The following FANCB variants were observed in gnomAD, a reference collection of about 807,000 sequenced individuals.
The protein encoded by FANCB is Fanconi anemia group B protein.
FANCB carries 5 observed loss-of-function variants against 38.9 expected under a neutral mutation model. That is an observed-to-expected ratio of 0.13 (90% confidence interval 0.07 to 0.27). FANCB has a LOEUF of 0.27. Among genes scored for constraint, FANCB ranks in the 10% least tolerant of loss-of-function variants. The pLI is 1.00. For synonymous variants in FANCB, 236 were observed against 215.4 expected (o/e 1.10, Z -0.84); for missense variants, 573 against 602.7 (o/e 0.95, Z 0.52).
At chrX:14,839,819 A>G (rs1056402328), downstream of FANCB, among the ~76,000 whole-genome samples, 1 of 110,785 alleles carries the variant, frequency 9.0e-6, no homozygotes, top group Admixed American at 9.5e-5. Flanking sequence ...AATTTTAACT[A>G]CAAGTAATGG....
At chrX:14,716,180 C>T in the FANCB span, among the ~76,000 whole-genome samples, 1 of 111,228 alleles carries the variant, frequency 9.0e-6, no homozygotes, top group Non-Finnish European at 1.9e-5. Context: ...AATATATCAA[C>T]CAGCTAGAGA....
At chrX:14,719,644 G>T in the FANCB span, among the ~76,000 whole-genome samples, 3 of 111,955 alleles carry the variant, frequency 2.7e-5, no homozygotes, top group Non-Finnish European at 5.6e-5. Context: ...AAACAGTATA[G>T]CTCAAAAGGC....
At chrX:14,830,024 C>T in the FANCB span, among the ~76,000 whole-genome samples, 2 of 111,885 alleles carry the variant, frequency 1.8e-5, no homozygotes, top group Non-Finnish European at 3.8e-5. Flanking sequence ...CTCTTCCTTT[C>T]ACCTGAATAC....
the FANCB span, among the ~76,000 whole-genome samples, chrX:14,719,447 A>G: frequency 8.9e-6 from 1 of 112,502 alleles, no homozygotes; most frequent in Non-Finnish European, 1.9e-5. Context: ...CAGGTATATG[A>G]AAGAATGCTG....
chrX:14,820,486 T>C, the FANCB span, among the ~76,000 whole-genome samples: 1 of 112,097 alleles, frequency 8.9e-6, no homozygotes, highest in Non-Finnish European at 1.9e-5. Flanking sequence ...TTTTTTGTTT[T>C]CCAACTAGAA....
chrX:14,711,105 T>C, the FANCB span, among the ~76,000 whole-genome samples: 1 of 112,319 alleles, frequency 8.9e-6, no homozygotes, highest in Admixed American at 9.4e-5. Context: ...GAGCCCTTCA[T>C]TCTTTTGAAA....
chrX:14,866,136 T>C (rs983941531), intron 2 of FANCB, among the ~76,000 whole-genome samples: 10 of 110,731 alleles, frequency 9.0e-5, no homozygotes, highest in Admixed American at 2.9e-4. Flanking sequence ...GGAATAAAAA[T>C]AGGAGATGCT....
chrX:14,855,617 AGT>A (rs2092420030), intron 5 of FANCB, among the ~76,000 whole-genome samples: 1 of 111,685 alleles, frequency 9.0e-6, no homozygotes, highest in Non-Finnish European at 1.9e-5. Flanking sequence ...TTTTTATTTC[AGT>A]GTGTTTTTGC....
the FANCB span, among the ~76,000 whole-genome samples, chrX:14,769,327 C>T: frequency 9.0e-6 from 1 of 111,270 alleles, no homozygotes; most frequent in African/African-American, 3.3e-5. Flanking sequence ...TTTATCACCG[C>T]CTCAATTTCA....
chrX:14,777,906 A>T, the FANCB span, among the ~76,000 whole-genome samples: 1 of 112,062 alleles, frequency 8.9e-6, no homozygotes, highest in Non-Finnish European at 1.9e-5. Flanking sequence ...GAGACTTGTT[A>T]TAAGATATAT....
chrX:14,803,199 G>A, the FANCB span, among the ~76,000 whole-genome samples: 1 of 112,057 alleles, frequency 8.9e-6, no homozygotes, highest in Admixed American at 9.5e-5. Flanking sequence ...GTTTGCATGG[G>A]TGGAGAAGAG....
At chrX:14,816,828 A>G in the FANCB span, among the ~76,000 whole-genome samples, 1 of 112,194 alleles carries the variant, frequency 8.9e-6, no homozygotes, top group Non-Finnish European at 1.9e-5. Flanking sequence ...ACCAAAGATG[A>G]AAGAAACACC....
At chrX:14,739,389 T>TA in the FANCB span, among the ~76,000 whole-genome samples, 2 of 111,574 alleles carry the variant, frequency 1.8e-5, no homozygotes. Context: ...CCTATCATAT[T>TA]AGAGTTTGAA....
chrX:14,837,412 A>G (rs1030047412), intron 10 of FANCB, among the ~76,000 whole-genome samples: 5 of 112,452 alleles, frequency 4.4e-5, no homozygotes, highest in African/African-American at 1.6e-4. Context: ...AACATGAACC[A>G]GCAATGGTAA....
the FANCB span, among the ~76,000 whole-genome samples, chrX:14,807,762 T>C: frequency 1.3e-4 from 14 of 110,761 alleles, no homozygotes; most frequent in African/African-American, 4.3e-4. Flanking sequence ...AAATAAAAGA[T>C]CAATGAATCA....
chrX:14,860,452 G>A (rs2092441984), intron 3 of FANCB, among the ~76,000 whole-genome samples: 1 of 112,013 alleles, frequency 8.9e-6, no homozygotes, highest in Admixed American at 9.4e-5. Flanking sequence ...CAGGCAAACA[G>A]CACAGAACTA....
the FANCB span, among the ~76,000 whole-genome samples, chrX:14,734,140 G>A: frequency 8.9e-6 from 1 of 112,041 alleles, no homozygotes; most frequent in East Asian, 2.8e-4. Context: ...AAAGTAAATG[G>A]AGACCAGGCC....
chrX:14,851,386 G>T lies in FANCB; in HGVS notation c.1327-712C>A, dbSNP rs191737693. Among the ~76,000 whole-genome samples the T allele has an allele frequency of 7.2e-5, 8 of 111,820 alleles. No homozygotes were observed. The East Asian group carries it at 2.2e-3, about 31-fold the overall frequency. On this transcript the variant is annotated intron_variant, in intron 6 of 9. Transcript: ENST00000650831. ...AGGGAAGTTATGTAACTTGCCCAGG[G>T]TCACACAGTTAGCAAGTAGCAAGGC...
the FANCB span, among the ~76,000 whole-genome samples, chrX:14,694,586 T>C: frequency 9.1e-6 from 1 of 110,446 alleles, no homozygotes; most frequent in Non-Finnish European, 1.9e-5. Flanking sequence ...TAGGAGGCTA[T>C]TGTAGAACTA....
Sources: gnomAD v4.1 joint callset for allele counts (sites outside exome capture counted in the v4.1 genomes callset) on GRCh38, gnomAD v4.1.1 for gene constraint, MANE v1.5 for transcripts, NCBI Gene and HGNC (gene_info 2026-07-23, HGNC 2026-07-21) for gene names.